CDC42SE2: variants seen among roughly 807,000 people sequenced by gnomAD.
CDC42SE2 encodes CDC42 small effector protein 2.
Under a neutral mutation model 11.5 loss-of-function variants are expected in CDC42SE2, and 3 were observed. The ratio of observed to expected loss-of-function variants is 0.26; its 90% confidence interval spans 0.12 to 0.67. The LOEUF (loss-of-function observed/expected upper bound fraction) is 0.67. Ranked by LOEUF, CDC42SE2 falls within the 30% of genes least tolerant of loss-of-function variation. The probability of loss-of-function intolerance (pLI) is 0.80; values close to 1 mark genes in which losing one functional copy is unlikely to be tolerated. For synonymous variants in CDC42SE2, 33 were observed against 34.8 expected (o/e 0.95, Z 0.18); for missense variants, 82 against 106.8 (o/e 0.77, Z 1.02).
chr5:131,308,377 G>A (rs1490435312), intron 1 of CDC42SE2, among the ~76,000 whole-genome samples: 24 of 151,974 alleles, frequency 1.6e-4, no homozygotes, highest in Admixed American at 9.8e-4. Flanking sequence ...GTCAGGTAGT[G>A]TGATGCCTCC....
chr5:131,253,388 A>G (rs940421076), intron 1 of CDC42SE2, among the ~76,000 whole-genome samples: 4 of 152,210 alleles, frequency 2.6e-5, no homozygotes, highest in African/African-American at 7.2e-5. Context: ...CCTACTACCT[A>G]CTATAGCCAC....
At chr5:131,237,846 C>T in the CDC42SE2 span, among the ~76,000 whole-genome samples, 7 of 152,284 alleles carry the variant, frequency 4.6e-5, no homozygotes, top group Admixed American at 6.5e-5. Flanking sequence ...CCTGCCTTGG[C>T]CCCCCAAAGC....
the CDC42SE2 span, among the ~76,000 whole-genome samples, chr5:131,220,887 T>TC: frequency 6.7e-6 from 1 of 149,750 alleles, no homozygotes; most frequent in African/African-American, 2.5e-5. Context: ...CAGAAACCTT[T>TC]TTTTTTTTTT....
At chr5:131,330,443 AG>A (rs764232622) in intron 2 of CDC42SE2, among the ~76,000 whole-genome samples, 1 of 152,084 alleles carries the variant, frequency 6.6e-6, no homozygotes, top group Non-Finnish European at 1.5e-5. Context: ...TTGGCTTCTT[AG>A]GGAATCTTTT....
intron 1 of CDC42SE2, among the ~76,000 whole-genome samples, chr5:131,281,216 C>T (rs2149702018): frequency 6.6e-6 from 1 of 152,274 alleles, no homozygotes; most frequent in East Asian, 1.9e-4. Flanking sequence ...ACTGCTTGCT[C>T]ACAAGCTCCT....
At position 131,268,054 on chromosome 5, in the gene CDC42SE2, CTTTTTTTTTTTTTT is replaced by C. The variant is rs148354795; in HGVS notation, c.-455+3902_-455+3915del. On this transcript the variant is annotated intron_variant, in intron 1 of 4. Coordinates refer to ENST00000505065, the MANE Select transcript of CDC42SE2 (RefSeq NM_001375635.1). The stretch of plus-strand genomic sequence containing the variant: ...AGAGAAGTACATGTACATGCTTATT[CTTTTTTTTTTTTTT>C]TTTTTTTTTTTTTGAGACGGAGTCT... Among the ~76,000 whole-genome samples, 8 of 65,448 alleles carry C rather than the reference CTTTTTTTTTTTTTT, an allele frequency of 1.2e-4. No homozygotes were observed. In the South Asian group the frequency reaches 1.6e-3, roughly 13 times the overall value. The allele number at this position is 65,448 out of a possible 152,430, so 42.9% of individuals were successfully genotyped here.
chr5:131,326,673 T>C (rs1758307644), intron 2 of CDC42SE2, among the ~76,000 whole-genome samples: 1 of 152,252 alleles, frequency 6.6e-6, no homozygotes, highest in South Asian at 2.1e-4. Context: ...TGTGGATGTG[T>C]TCATGATGAT....
At chr5:131,357,531 C>T (rs1749586036) in intron 2 of CDC42SE2, among the ~76,000 whole-genome samples, 1 of 152,170 alleles carries the variant, frequency 6.6e-6, no homozygotes, top group Non-Finnish European at 1.5e-5. Context: ...ACTCTGTGAT[C>T]CTGTAATGTG....
At chr5:131,363,786 C>T (rs945816072) in intron 3 of CDC42SE2, among the ~76,000 whole-genome samples, 13 of 150,846 alleles carry the variant, frequency 8.6e-5, no homozygotes, top group African/African-American at 2.4e-4. Flanking sequence ...ACCTCCGCCT[C>T]CTAGGTTCAG....
chr5:131,256,774 C>T (rs929832753), intron 2 of CDC42SE2, among the ~76,000 whole-genome samples: 5 of 152,216 alleles, frequency 3.3e-5, no homozygotes, highest in African/African-American at 4.8e-5. Flanking sequence ...ACAAGCATCA[C>T]GTTCTTTTCA....
intron 3 of CDC42SE2, among the ~76,000 whole-genome samples, chr5:131,372,699 T>G (rs1750045521): frequency 6.7e-6 from 1 of 149,184 alleles, no homozygotes; most frequent in Non-Finnish European, 1.5e-5. Context: ...GGTGACAGAG[T>G]GAAACTCTGT....
chr5:131,237,786 G>T, the CDC42SE2 span, among the ~76,000 whole-genome samples: 2 of 151,978 alleles, frequency 1.3e-5, no homozygotes, highest in East Asian at 1.9e-4. Context: ...ACAGAGTCTC[G>T]CTATATTGCC....
chr5:131,382,105 G>A (rs761690500), intron 3 of CDC42SE2, among the ~76,000 whole-genome samples: 6 of 152,170 alleles, frequency 3.9e-5, no homozygotes, highest in Non-Finnish European at 8.8e-5. Context: ...TATAGTTCAA[G>A]CTGAAAAATA....
intron 3 of CDC42SE2, among the ~76,000 whole-genome samples, chr5:131,367,621 G>A (rs1387189198): frequency 2.0e-5 from 3 of 152,026 alleles, no homozygotes; most frequent in Admixed American, 1.3e-4. Flanking sequence ...CTTGTTGCTC[G>A]GTATGGTTTC....
chr5:131,267,157 C>A (rs1315144434), intron 1 of CDC42SE2, among the ~76,000 whole-genome samples: 1 of 150,544 alleles, frequency 6.6e-6, no homozygotes, highest in Non-Finnish European at 1.5e-5. Context: ...CTGGTTCAAG[C>A]AATTCTCCTG....
At chr5:131,383,763 G>T (rs1750393280) in intron 3 of CDC42SE2, among the ~76,000 whole-genome samples, 1 of 152,108 alleles carries the variant, frequency 6.6e-6, no homozygotes, top group South Asian at 2.1e-4. Context: ...CATGTGCTCT[G>T]CAGCTGCTTT....
At chr5:131,319,050 C>T (rs1057247718) in intron 2 of CDC42SE2, among the ~76,000 whole-genome samples, 7 of 152,040 alleles carry the variant, frequency 4.6e-5, no homozygotes, top group Non-Finnish European at 7.4e-5. Flanking sequence ...TACAGGTGCC[C>T]GCCACCACTC....
chr5:131,213,892 T>C, the CDC42SE2 span, among the ~76,000 whole-genome samples: 3,006 of 152,276 alleles, frequency 0.02, 101 homozygotes, highest in African/African-American at 0.065. Flanking sequence ...TTTTCTGCTA[T>C]AATCTTTTCC....
intron 1 of CDC42SE2, among the ~76,000 whole-genome samples, chr5:131,280,188 A>G (rs1475177371): frequency 1.3e-5 from 2 of 152,216 alleles, no homozygotes; most frequent in African/African-American, 2.4e-5. Flanking sequence ...TGGGGTCTAC[A>G]TTTCTTACCC....
Sources: allele counts gnomAD v4.1 joint callset (sites outside exome capture counted in the v4.1 genomes callset), GRCh38; gene constraint gnomAD v4.1.1; transcripts MANE v1.5; gene names NCBI Gene and HGNC (gene_info 2026-07-23, HGNC 2026-07-21).